The following HSPG2 variants were observed in gnomAD, a reference collection of about 807,000 sequenced individuals.
HSPG2 encodes heparan sulfate proteoglycan 2, also known as basement membrane-specific heparan sulfate proteoglycan core protein.
HSPG2 carries 278 observed loss-of-function variants against 526.6 expected under a neutral mutation model. The observed-to-expected ratio is 0.53, with a 90% CI of 0.48 to 0.58. The LOEUF is 0.58. Among genes scored for constraint, HSPG2 ranks in the 20% least tolerant of loss-of-function variants. The pLI, the probability that HSPG2 is intolerant of heterozygous loss-of-function variation, is 0.00. For missense variants in HSPG2, 5,354 were observed against 6,099.5 expected, an observed-to-expected ratio of 0.88 and a Z score of 4.07; for synonymous variants, 2,465 against 2,555.4, an observed-to-expected ratio of 0.96 and a Z score of 1.07.
chr1:21,921,477 T>C (rs1269246308), intron 1 of HSPG2, among the ~76,000 whole-genome samples: 2 of 152,166 alleles, frequency 1.3e-5, no homozygotes, highest in African/African-American at 2.4e-5. Context: ...GTGCACAAGC[T>C]ACCTGTCAAT....
intron 55 of HSPG2, among the ~76,000 whole-genome samples, chr1:21,851,058 C>T (rs1465741867): frequency 4.6e-5 from 7 of 151,738 alleles, no homozygotes; most frequent in Admixed American, 3.3e-4. Flanking sequence ...CTGCAGCCTC[C>T]GCCTCCTGGG....
At chr1:21,849,953 C>T (rs1423817725) in intron 57 of HSPG2, 88 bp downstream of exon 57, 2 of 1,531,618 alleles carry the variant, frequency 1.3e-6, no homozygotes. Context: ...GCCGGGATTA[C>T]AGGCGTGAGC....
chr1:21,874,398 G>A lies in HSPG2; in HGVS notation c.3656+8C>T. 1 of 1,611,262 alleles carries A rather than the reference G, an allele frequency of 6.2e-7. No individual in the cohort carries two copies. Among genetic ancestry groups the A allele is most frequent in the Non-Finnish European group, 8.5e-7 (1 of 1,179,618 alleles). The stretch of plus-strand genomic sequence containing the variant: ...GGAAGGGCAGGTGCAGGCAGGGACT[G>A]GACGCACTGGCCGGCAGCAGGGTCT... On this transcript the variant is annotated splice_region_variant and intron_variant, in intron 28 of 96. Coordinates refer to ENST00000374695, the MANE Select transcript of HSPG2 (RefSeq NM_005529.7).
In HSPG2 at chr1:21,839,042, C is replaced by T. The variant is rs759346325; in HGVS notation, c.9933G>A (p.Gln3311=). 3 of 1,599,182 alleles carry T rather than the reference C, an allele frequency of 1.9e-6. No individual in the cohort carries two copies. Among genetic ancestry groups the T allele is most frequent in the Admixed American group, 3.4e-5 (2 of 59,634 alleles). Residue 3311 remains glutamine (Q), a synonymous_variant, in exon 74 of 97, where the codon CAG becomes CAA. Transcript: ENST00000374695. The surrounding 1 kb of genome is among the most constrained non-coding windows in gnomAD (Gnocchi z 4.5). The part of the protein sequence containing the change: ...ATTVPEHASV[Q]AGETVQLQCL... ...ACTGGAGCTGCACCGTCTCCCCTGC[C>T]TGCACCGAAGCGTGCTCTGGGACCG... is the stretch of plus-strand genomic sequence containing the variant.
intron 1 of HSPG2, among the ~76,000 whole-genome samples, chr1:21,916,068 G>GAAAAAAAAAA (rs550337052): frequency 2.1e-5 from 1 of 47,740 alleles, no homozygotes; most frequent in Non-Finnish European, 4.2e-5. Flanking sequence ...AAAAGAAGAA[G>GAAAAAAAAAA]AAGAAAAAAA....
chr1:21,872,275 C>T lies in HSPG2; in HGVS notation c.4132G>A (p.Glu1378Lys), dbSNP rs62642525. The change falls in exon 33 of 97, where the codon GAG becomes AAG. Residue 1378 changes from glutamate (E) to lysine (K), a missense_variant. By Grantham distance (56) the Glu-to-Lys change is moderately conservative. Transcript: ENST00000374695. This position sits in a 1 kb window ranked among gnomAD's most constrained non-coding sequence, Gnocchi z 5.5. ...TTGCCAAAAGAGAGCTGGGCACCCT[C>T]GGGCACGGGTTCCACAGTGAATTCT... ...TGEFTVEPVP[E>K]GAQLSFGNFA... 7.5e-4 allele frequency: 1,163 copies of T among 1,559,134 alleles called. 10 individuals are homozygous for T. In the African/African-American group the frequency reaches 0.014, roughly 18 times the overall value.
chr1:21,873,225 G>A, intron 30 of HSPG2, 134 bp from the exon 31 acceptor site: 3 of 1,153,946 alleles, frequency 2.6e-6, no homozygotes, highest in Non-Finnish European at 3.9e-6. Flanking sequence ...ACAGCCCTCG[G>A]AGGTGGTGGG....
At position 21,914,454 on chromosome 1, in the gene HSPG2, C is replaced by T. The variant is rs139304005; in HGVS notation, c.64-18144G>A. ...CCGGTTATCTAACCCCCATGACTGC[C>T]CTGAGAGCTAGGTGTAATTGTCTCT... is the stretch of plus-strand genomic sequence containing the variant. On this transcript the variant is annotated intron_variant, in intron 1 of 96. Coordinates refer to ENST00000374695, the MANE Select transcript of HSPG2 (RefSeq NM_005529.7). Among the ~76,000 whole-genome samples, 3 of 152,240 alleles carry T rather than the reference C, an allele frequency of 2.0e-5. No homozygotes were observed. The East Asian group carries it at 5.8e-4, about 29-fold the overall frequency.
intron 1 of HSPG2, among the ~76,000 whole-genome samples, chr1:21,917,486 A>AAAT (rs1643916201): frequency 6.8e-6 from 1 of 147,558 alleles, no homozygotes; most frequent in African/African-American, 2.5e-5. Flanking sequence ...AATAAATAAA[A>AAAT]ATAAAAGACA....
At position 21,854,723 on chromosome 1, in the gene HSPG2, G is replaced by A. The variant is rs1440960858; in HGVS notation, c.6176C>T (p.Ser2059Leu). 2.5e-6 allele frequency: 4 copies of A among 1,613,580 alleles called. No homozygotes were observed. The highest frequency in any genetic ancestry group is 1.1e-5 in the South Asian group (1 of 90,900). The change falls in exon 49 of 97, where the codon TCG becomes TTG. Residue 2059 changes from serine to leucine, a missense_variant. Transcript: ENST00000374695. ...SPPPVKIESSSPSVTEGQTLD... is the reference protein window; with the variant it reads ...SPPPVKIESSLPSVTEGQTLD... ...TGTTTGCCCTTCTGTCACAGAAGGC[G>A]ATGAGGACTCAATCTTGACCGGCGG... is the stretch of plus-strand genomic sequence containing the variant.
At chr1:21,831,378 C>T in intron 83 of HSPG2, 54 bp from the exon 84 acceptor site, 1 of 1,603,284 alleles carries the variant, frequency 6.2e-7, no homozygotes, top group Non-Finnish European at 8.5e-7. Flanking sequence ...AGCCCATACC[C>T]TGAGGTGCCC....
rs756743157 is a variant in HSPG2 at position 21,833,358 on chromosome 1, T to C, written c.11005A>G (p.Thr3669Ala). 3.1e-6 allele frequency: 5 copies of C among 1,613,442 alleles called. No individual in the cohort carries two copies. In the African/African-American group the frequency reaches 6.7e-5, roughly 22 times the overall value. Residue 3669 changes from threonine to alanine, a missense_variant, in exon 80 of 97, where the codon ACC becomes GCC. Coordinates refer to ENST00000374695, the MANE Select transcript of HSPG2 (RefSeq NM_005529.7). ...GGCAGCGGTAGGAAGGAGTAGGGGG[T>C]CTGCGTGAAGTAGGGCACCACCCGC... Reference protein sequence around the residue: ...PERVVPYFTQTPYSFLPLPTI... With the variant: ...PERVVPYFTQAPYSFLPLPTI...
intron 1 of HSPG2, among the ~76,000 whole-genome samples, chr1:21,914,147 C>A (rs1184002512): frequency 2.0e-5 from 3 of 152,144 alleles, no homozygotes; most frequent in Non-Finnish European, 4.4e-5. Context: ...ATGTTCTCTG[C>A]CCTTGCTGGT....
Position 21,843,586 on chromosome 1 carries a change from G to A in HSPG2, c.8617-148C>T, listed in dbSNP as rs2098058564. The A allele has an allele frequency of 9.1e-6, 7 of 769,290 alleles. 1 individual carries two copies. The South Asian group carries it at 1.3e-4, about 14-fold the overall frequency. 47.7% of individuals were successfully genotyped at this position (769,290 alleles called of 1,614,324 possible). On this transcript the variant is annotated intron_variant, in intron 65 of 96. Coordinates refer to ENST00000374695, the MANE Select transcript of HSPG2 (RefSeq NM_005529.7). ...CCCTTTGACAGTCCGCATTGTGGAG[G>A]GCATGTTTATTATGATGGTTTCTCC...
intron 6 of HSPG2, 65 bp downstream of exon 6, chr1:21,889,916 A>T: frequency 6.4e-7 from 1 of 1,556,804 alleles, no homozygotes; most frequent in Non-Finnish European, 8.9e-7. Context: ...AGCCTATGGC[A>T]GAGACACTGA....
At position 21,847,879 on chromosome 1, in the gene HSPG2, G is replaced by A; in HGVS notation, c.7874-39C>T. 6.2e-7 allele frequency: 1 copy of A among 1,613,826 alleles called. No homozygotes were observed. The highest frequency in any genetic ancestry group is 8.5e-7 in the Non-Finnish European group (1 of 1,180,016). Reference sequence around the variant, plus strand: ...GGTGTGGACCACGCAGCCAGAGTGAGATAACAGTGATGGCACCGGGGACCT... The same window carrying A: ...GGTGTGGACCACGCAGCCAGAGTGAAATAACAGTGATGGCACCGGGGACCT... On this transcript the variant is annotated intron_variant, in intron 60 of 96. Coordinates refer to ENST00000374695, the MANE Select transcript of HSPG2 (RefSeq NM_005529.7). The surrounding 1 kb of genome is among the most constrained non-coding windows in gnomAD (Gnocchi z 4.1).
chr1:21,924,101 A>G (rs931797292), intron 1 of HSPG2, among the ~76,000 whole-genome samples: 1 of 152,198 alleles, frequency 6.6e-6, no homozygotes, highest in African/African-American at 2.4e-5. Flanking sequence ...TTCAAGGTCT[A>G]GGGCACAGGG....
chr1:21,846,419 T>C (rs1314485848), intron 63 of HSPG2, 29 bp downstream of exon 63: 3 of 1,612,630 alleles, frequency 1.9e-6, no homozygotes, highest in Non-Finnish European at 2.5e-6. Context: ...ATCCAGCGGC[T>C]CTCCCACCAT....
At chr1:21,870,558 C>A (rs1640567831) in intron 33 of HSPG2, among the ~76,000 whole-genome samples, 1 of 152,226 alleles carries the variant, frequency 6.6e-6, no homozygotes, top group Admixed American at 6.5e-5. Flanking sequence ...GGGCTAGATA[C>A]AGTCATGTGG....
Sources: gnomAD v4.1 joint callset for allele counts (sites outside exome capture counted in the v4.1 genomes callset) on GRCh38, gnomAD v4.1.1 for gene constraint, Gnocchi (gnomAD v3.1) non-coding constraint, MANE v1.5 for transcripts, NCBI Gene and HGNC (gene_info 2026-07-23, HGNC 2026-07-21) for gene names.